CTNND1: variants seen among roughly 807,000 people sequenced by gnomAD.
CTNND1 encodes the protein catenin delta 1, also known as catenin delta-1.
CTNND1 carries 16 observed loss-of-function variants against 112.1 expected under a neutral mutation model. That is an observed-to-expected ratio of 0.14 (90% CI 0.10 to 0.22). The LOEUF (loss-of-function observed/expected upper bound fraction) is 0.22. Among genes scored for constraint, CTNND1 ranks in the 10% least tolerant of loss-of-function variants. The pLI is 1.00. For synonymous variants in CTNND1, 420 were observed against 446.5 expected, an observed-to-expected ratio of 0.94 and a Z score of 0.75; for missense variants, 1,008 against 1,257.0, an observed-to-expected ratio of 0.80 and a Z score of 3.00.
chr11:57,797,372 A>G (rs2061455370), intron 6 of CTNND1, among the ~76,000 whole-genome samples: 1 of 148,556 alleles, frequency 6.7e-6, no homozygotes, highest in Non-Finnish European at 1.5e-5. Context: ...TTGGGACTAC[A>G]GGCAAGCACC....
chr11:57,797,851 A>AAC, intron 6 of CTNND1, among the ~76,000 whole-genome samples: 1 of 150,392 alleles, frequency 6.6e-6, no homozygotes, highest in East Asian at 2.0e-4. Context: ...TCAAAAAAAA[A>AAC]AAAAAAAAAA....
chr11:57,792,618 C>T (rs1308603289), intron 3 of CTNND1, among the ~76,000 whole-genome samples: 1 of 152,154 alleles, frequency 6.6e-6, no homozygotes, highest in East Asian at 1.9e-4. Flanking sequence ...GCAACGTTCG[C>T]CTCCCGGGTT....
chr11:57,808,579 T>A (rs367889165), intron 14 of CTNND1, 39 bp downstream of exon 14: 1 of 1,536,768 alleles, frequency 6.5e-7, no homozygotes, highest in Non-Finnish European at 8.8e-7. Flanking sequence ...CAAAATTTAG[T>A]ACAGTGTTTG....
intron 5 of CTNND1, 88 bp from the exon 6 acceptor site, chr11:57,796,369 A>G: frequency 8.0e-7 from 1 of 1,249,910 alleles, no homozygotes; most frequent in Middle Eastern, 2.0e-4. Context: ...CCAGGGCAAC[A>G]GTGCAAGACT....
rs1438860588 is a variant in CTNND1, at chr11:57,761,963, C to T, written c.-370C>T. 1.7e-5 allele frequency: 17 copies of T among 985,288 alleles called. 1 individual carries two copies. The South Asian group carries it at 5.2e-4, about 30-fold the overall frequency. The allele number at this position is 985,288 out of a possible 1,614,324, so 61.0% of individuals were successfully genotyped here. Reference sequence around the variant, plus strand: ...AAGAGGTGGCGAAAAATCAACTGCCCTGCTGGATTTGTCTTTCTCAGCACC... The same window carrying T: ...AAGAGGTGGCGAAAAATCAACTGCCTTGCTGGATTTGTCTTTCTCAGCACC... On this transcript the variant is annotated 5_prime_UTR_variant, in exon 1 of 21. Coordinates refer to ENST00000399050, the MANE Select transcript of CTNND1 (RefSeq NM_001085458.2).
At chr11:57,772,611 T>C (rs184480892) in intron 1 of CTNND1, among the ~76,000 whole-genome samples, 8 of 152,376 alleles carry the variant, frequency 5.3e-5, no homozygotes, top group Admixed American at 4.6e-4. Context: ...CTGAGCCACT[T>C]TACCTAGTTG....
At position 57,809,352 on chromosome 11, in the gene CTNND1, C is replaced by G. The variant is rs1231303337; in HGVS notation, c.2321C>G (p.Thr774Ser). ...QNSSWNFSEDTVISILNTINE... is the reference protein window; with the variant it reads ...QNSSWNFSEDSVISILNTINE... ...TCCTCTTGGAATTTCTCTGAGGACA[C>G]TGTCATCTCTATTTTGAACACTATC... The change falls in exon 15 of 21, where the codon ACT becomes AGT. Residue 774 changes from threonine to serine, a missense_variant. Coordinates refer to ENST00000399050, the MANE Select transcript of CTNND1 (RefSeq NM_001085458.2). 1.9e-6 allele frequency: 3 copies of G among 1,614,012 alleles called. No homozygotes were observed. Among genetic ancestry groups the G allele is most frequent in the Admixed American group, 1.7e-5 (1 of 60,028 alleles).
chr11:57,815,853 T>A (rs1262159475), intron 19 of CTNND1, 62 bp from the exon 20 acceptor site: 5 of 1,414,410 alleles, frequency 3.5e-6, no homozygotes, highest in Non-Finnish European at 4.9e-6. Context: ...TTTCCCTAGC[T>A]CTGGCACACA....
intron 3 of CTNND1, 122 bp downstream of exon 3, chr11:57,791,795 G>A: frequency 1.8e-6 from 2 of 1,123,118 alleles, no homozygotes; most frequent in Non-Finnish European, 1.2e-6. Context: ...GTTCTTCCAG[G>A]GATTTTTTTC....
At chr11:57,809,643 C>T (rs906666748) in intron 15 of CTNND1, among the ~76,000 whole-genome samples, 177 bp downstream of exon 15, 8 of 152,212 alleles carry the variant, frequency 5.3e-5, no homozygotes, top group African/African-American at 1.9e-4. Context: ...TCATGTCAAA[C>T]TTTTCTTGTG....
At chr11:57,812,979 T>G (rs1184768918) in intron 17 of CTNND1, among the ~76,000 whole-genome samples, 3 of 152,228 alleles carry the variant, frequency 2.0e-5, no homozygotes, top group African/African-American at 4.8e-5. Context: ...AAGTGGAAAT[T>G]GTAGTTTTGA....
At chr11:57,816,025 G>C (rs1250722442) in intron 20 of CTNND1, 24 bp downstream of exon 20, 12 of 1,544,596 alleles carry the variant, frequency 7.8e-6, no homozygotes, top group Non-Finnish European at 1.0e-5. Context: ...TCACCCCCAA[G>C]ATTGTTCTTG....
At chr11:57,768,238 T>C (rs1159571073) in intron 1 of CTNND1, among the ~76,000 whole-genome samples, 1 of 151,968 alleles carries the variant, frequency 6.6e-6, no homozygotes, top group African/African-American at 2.4e-5. Context: ...ATTTTTTTAA[T>C]GGGAAAAAAT....
rs201197519 is a variant in CTNND1, at chr11:57,808,271, C to T, written c.2070C>T (p.Asn690=). The T allele has an allele frequency of 4.0e-5, 64 of 1,613,432 alleles. No individual in the cohort carries two copies. Among genetic ancestry groups the T allele is most frequent in the Non-Finnish European group, 5.3e-5 (62 of 1,179,494 alleles). Residue 690 remains asparagine, a synonymous_variant, in exon 13 of 21, where the codon AAC becomes AAT. Coordinates refer to ENST00000399050, the MANE Select transcript of CTNND1 (RefSeq NM_001085458.2). Reference sequence around the variant, plus strand: ...AAGCCTCAGCTGGAGCTATCCAGAACTTGTGTGCTGGGCGCTGGACGGTAC... The same window carrying T: ...AAGCCTCAGCTGGAGCTATCCAGAATTTGTGTGCTGGGCGCTGGACGGTAC... ...ILEASAGAIQ[N]LCAGRWTYGR... is the part of the protein sequence containing the mutation.
chr11:57,775,327 G>A (rs1435641591), intron 1 of CTNND1, among the ~76,000 whole-genome samples: 3 of 120,470 alleles, frequency 2.5e-5, no homozygotes, highest in African/African-American at 8.7e-5. Context: ...GGGAGACCCC[G>A]TCTCGAAAAA....
rs186573301 is a variant in CTNND1, at chr11:57,781,161, A to G, written c.-213-7876A>G. Among the ~76,000 whole-genome samples, 1,317 of 152,038 alleles carry G rather than the reference A, an allele frequency of 8.7e-3. 6 individuals carry two copies. Among genetic ancestry groups the G allele is most frequent in the Non-Finnish European group, 0.014 (970 of 67,958 alleles). On this transcript the variant is annotated intron_variant, in intron 1 of 20. Transcript: ENST00000399050. The stretch of plus-strand genomic sequence containing the variant: ...ACCATGTTGACCAGGCTAGTCTCAA[A>G]CTCCTGACCTGGTGATCCACCCGCC...
chr11:57,811,883 T>G (rs1474917461), intron 17 of CTNND1, among the ~76,000 whole-genome samples: 1 of 152,210 alleles, frequency 6.6e-6, no homozygotes, highest in Admixed American at 6.5e-5. Flanking sequence ...GAAAACCACT[T>G]GTATCTTTTA....
intron 18 of CTNND1, among the ~76,000 whole-genome samples, chr11:57,814,695 T>C (rs2063752181): frequency 6.6e-6 from 1 of 152,102 alleles, no homozygotes; most frequent in African/African-American, 2.4e-5. Flanking sequence ...TCTGCCCAAC[T>C]ATTCTGCTTG....
intron 6 of CTNND1, among the ~76,000 whole-genome samples, chr11:57,801,328 G>C (rs1243668774): frequency 6.6e-6 from 1 of 152,164 alleles, no homozygotes; most frequent in Non-Finnish European, 1.5e-5. Context: ...CTGTGGCATT[G>C]AGTCAGTTGC....
Sources: gnomAD v4.1 joint callset for allele counts (sites outside exome capture counted in the v4.1 genomes callset) on GRCh38, gnomAD v4.1.1 for gene constraint, MANE v1.5 for transcripts, NCBI Gene and HGNC (gene_info 2026-07-23, HGNC 2026-07-21) for gene names.